POM121: variants seen among roughly 807,000 people sequenced by gnomAD.
The protein encoded by POM121 is nuclear envelope pore membrane protein POM 121.
A neutral mutation model predicts 81.3 loss-of-function variants in POM121; 32 were observed. That is an observed-to-expected ratio of 0.39 (90% CI 0.30 to 0.53). The LOEUF (loss-of-function observed/expected upper bound fraction) is 0.53. Ranked by LOEUF, POM121 falls within the 20% of genes least tolerant of loss-of-function variation. The pLI, the probability that POM121 is intolerant of heterozygous loss-of-function variation, is 0.66. For missense variants in POM121, 1,138 were observed against 1,614.6 expected (o/e 0.70, Z 5.06); for synonymous variants, 514 against 694.2 (o/e 0.74, Z 4.08).
intron 7 of POM121, 144 bp from the exon 8 acceptor site, chr7:72,939,703 C>T: frequency 6.2e-7 from 1 of 1,600,418 alleles, no homozygotes; most frequent in South Asian, 1.1e-5. Flanking sequence ...CTTGCAAACA[C>T]CATCCAAGCA....
In POM121 at chr7:72,944,113, G is replaced by A. The variant is rs1196452350; in HGVS notation, c.3529+591G>A. On this transcript the variant is annotated intron_variant, in intron 11 of 12. Coordinates refer to ENST00000434423, the MANE Select transcript of POM121 (RefSeq NM_001387691.1). The stretch of plus-strand genomic sequence containing the variant: ...ACATGCCTTTCAGGCCCAGGATGGC[G>A]CATGCAAAGGCCCAGAGGCAGAAAC... 4.6e-5 allele frequency among the ~76,000 whole-genome samples: 7 copies of A among 152,186 alleles called. 1 individual carries two copies. The highest frequency in any genetic ancestry group is 1.3e-4 in the Admixed American group (2 of 15,278).
exon 3 of POM121, chr7:72,891,051 T>A (rs1450268484): frequency 3.2e-5 from 30 of 927,136 alleles, no homozygotes; most frequent in Non-Finnish European, 4.6e-5. Context: ...ATCATTAAGT[T>A]GGAGCAGGGA....
downstream of POM121, chr7:72,949,326 G>A (rs1299435555): frequency 2.5e-6 from 2 of 812,260 alleles, no homozygotes; most frequent in East Asian, 2.4e-5. Flanking sequence ...AGCCACTGCA[G>A]GAAGGATCCA....
chr7:72,928,526 G>A lies in POM121; in HGVS notation c.1103+61G>A, dbSNP rs374202027. ...TTTGGAAAAAGGCCTGATCAGAGCT[G>A]TTGCCCTATAGATTTTCCTCTTTGT... On this transcript the variant is annotated intron_variant, in intron 4 of 12. Transcript: ENST00000434423. 91 of 1,562,864 alleles carry A rather than the reference G, an allele frequency of 5.8e-5. No individual in the cohort carries two copies. In the African/African-American group the frequency reaches 1.2e-3, roughly 21 times the overall value.
chr7:72,932,169 C>A (rs1418920925), intron 5 of POM121, among the ~76,000 whole-genome samples: 9 of 146,886 alleles, frequency 6.1e-5, no homozygotes, highest in East Asian at 5.9e-4. Flanking sequence ...TAAGTTGTTT[C>A]AAAAAAAATA....
At chr7:72,909,656 G>A (rs1793613615) in intron 3 of POM121, among the ~76,000 whole-genome samples, 1 of 152,058 alleles carries the variant, frequency 6.6e-6, no homozygotes, top group Non-Finnish European at 1.5e-5. Flanking sequence ...TTGTTTTTTT[G>A]TTGTTGTTTG....
At chr7:72,920,559 T>C (rs1408858695), upstream of POM121, among the ~76,000 whole-genome samples, 1 of 152,056 alleles carries the variant, frequency 6.6e-6, no homozygotes, top group Non-Finnish European at 1.5e-5. Flanking sequence ...TTTCACCATG[T>C]TAGCCAGGAT....
chr7:72,901,332 A>T (rs1165934713), intron 3 of POM121, among the ~76,000 whole-genome samples: 1 of 147,912 alleles, frequency 6.8e-6, no homozygotes, highest in African/African-American at 2.5e-5. Context: ...CTCCCACCTT[A>T]TCCTGAGTAG....
In POM121 at chr7:72,943,525, A is replaced by C. The variant is rs782394140; in HGVS notation, c.3529+3A>C. On this transcript the variant is annotated splice_donor_region_variant and intron_variant, in intron 11 of 12. Coordinates refer to ENST00000434423, the MANE Select transcript of POM121 (RefSeq NM_001387691.1). ...TGAGAGCAAACCTGTGTTTGGAGGT[A>C]AGGAGGGGCGTGGACTTGGGCTACC... 1.9e-6 allele frequency: 3 copies of C among 1,611,680 alleles called. No individual in the cohort carries two copies. The highest frequency in any genetic ancestry group is 2.2e-5 in the South Asian group (2 of 90,884).
At chr7:72,908,707 T>G (rs782506061) in intron 3 of POM121, among the ~76,000 whole-genome samples, 8 of 152,182 alleles carry the variant, frequency 5.3e-5, no homozygotes, top group Non-Finnish European at 1.0e-4. Context: ...ATTCTCTTTC[T>G]CAGGGCTGTT....
chr7:72,932,626 G>A (rs1554498808), intron 5 of POM121, among the ~76,000 whole-genome samples: 1 of 152,186 alleles, frequency 6.6e-6, no homozygotes, highest in African/African-American at 2.4e-5. Context: ...GCTGGATATT[G>A]TTAAATCCCC....
At chr7:72,926,162 A>C in intron 1 of POM121, 100 bp from the exon 2 acceptor site, 1 of 1,248,296 alleles carries the variant, frequency 8.0e-7, no homozygotes, top group South Asian at 1.4e-5. Context: ...AAGAGACTTA[A>C]GTTCTTTGGA....
intron 5 of POM121, among the ~76,000 whole-genome samples, chr7:72,936,949 C>G (rs1342094451): frequency 6.6e-6 from 1 of 151,450 alleles, no homozygotes; most frequent in East Asian, 1.9e-4. Context: ...ACTCGGCCAT[C>G]TATGTGCTTT....
In POM121 at chr7:72,928,432, T is replaced by C; in HGVS notation, c.1070T>C (p.Val357Ala). 6.2e-7 allele frequency: 1 copy of C among 1,614,232 alleles called. No homozygotes were observed. Among genetic ancestry groups the C allele is most frequent in the Non-Finnish European group, 8.5e-7 (1 of 1,180,028 alleles). Residue 357 changes from valine to alanine, a missense_variant, in exon 4 of 13, where the codon GTG (valine) becomes GCG (alanine). Physicochemically the swap from Val to Ala is moderately conservative, Grantham distance 64 (BLOSUM62 0). This residue lies in a region of POM121 where 646 missense variants were observed against 633.5 expected (regional missense o/e 1.02). Transcript: ENST00000434423. ...GSGHSAFEPL[V>A]ANGVPASFVP... ...GGACATTCAGCATTTGAGCCCCTGG[T>C]GGCCAATGGAGTCCCCGCTTCTTTT...
intron 3 of POM121, among the ~76,000 whole-genome samples, chr7:72,905,913 C>G (rs1793191993): frequency 6.6e-6 from 1 of 152,002 alleles, no homozygotes; most frequent in East Asian, 1.9e-4. Context: ...TATCCTGTTT[C>G]TTTGTATATT....
Position 72,938,722 on chromosome 7 carries a change from C to T in POM121, c.1367+41C>T, listed in dbSNP as rs546695176. Reference sequence around the variant, plus strand: ...CTGCAGTTTTCATTTGCTGCGTGGACAGGCGGGGGTGAGGAAAGGTGGGAA... The same window carrying T: ...CTGCAGTTTTCATTTGCTGCGTGGATAGGCGGGGGTGAGGAAAGGTGGGAA... On this transcript the variant is annotated intron_variant, in intron 6 of 12. Coordinates refer to ENST00000434423, the MANE Select transcript of POM121 (RefSeq NM_001387691.1). 6.9e-6 allele frequency: 11 copies of T among 1,599,810 alleles called. No individual in the cohort carries two copies. In the East Asian group the frequency reaches 1.8e-4, roughly 26 times the overall value.
At chr7:72,936,734 C>T (rs1390899730) in intron 5 of POM121, among the ~76,000 whole-genome samples, 7 of 152,130 alleles carry the variant, frequency 4.6e-5, no homozygotes, top group Non-Finnish European at 8.8e-5. Context: ...CTGACCCTTG[C>T]TTGCTCAGTG....
chr7:72,948,156 C>T lies in POM121; in HGVS notation c.*1922C>T, dbSNP rs533393986. ...AATGAGTGTGGATGTGTACAGTACACGCACTGGACGGCAGCGGGAGGCTGG... is the reference window on the plus strand; with the variant it reads ...AATGAGTGTGGATGTGTACAGTACATGCACTGGACGGCAGCGGGAGGCTGG... On this transcript the variant is annotated 3_prime_UTR_variant, in exon 13 of 13. Transcript: ENST00000434423. 2.3e-5 allele frequency: 33 copies of T among 1,429,824 alleles called. No homozygotes were observed. Among genetic ancestry groups the T allele is most frequent in the African/African-American group, 1.3e-4 (9 of 69,102 alleles). 88.6% of individuals were successfully genotyped at this position (1,429,824 alleles called of 1,614,324 possible).
At chr7:72,884,358 A>T (rs1554489722) in intron 1 of POM121, among the ~76,000 whole-genome samples, 1 of 152,028 alleles carries the variant, frequency 6.6e-6, no homozygotes, top group Non-Finnish European at 1.5e-5. Context: ...TAAATGTTTC[A>T]GTACATAGAA....
Sources: gnomAD v4.1 joint callset for allele counts (sites outside exome capture counted in the v4.1 genomes callset) on GRCh38, gnomAD v4.1.1 for gene constraint, gnomAD v4.1.1 regional missense constraint, MANE v1.5 for transcripts, NCBI Gene and HGNC (gene_info 2026-07-23, HGNC 2026-07-21) for gene names.